The following SLC35F4 variants were observed in gnomAD, a reference collection of about 807,000 sequenced individuals.
The protein encoded by SLC35F4 is solute carrier family 35 member F4, also known as chromosome 14 open reading frame 36.
In SLC35F4, 24 loss-of-function variants were observed where a neutral mutation model predicts 44.2. That is an observed-to-expected ratio of 0.54 (90% CI 0.39 to 0.76). The LOEUF is 0.76. SLC35F4 is among the 30% of genes least tolerant of loss of function. The pLI is 0.00. For missense variants in SLC35F4, 562 were observed against 586.1 expected (o/e 0.96, Z 0.42); for synonymous variants, 238 against 223.6 (o/e 1.06, Z -0.57).
At chr14:57,929,331 T>C (rs561473524) in intron 1 of SLC35F4, among the ~76,000 whole-genome samples, 12 of 152,320 alleles carry the variant, frequency 7.9e-5, no homozygotes, top group Non-Finnish European at 1.5e-4. Flanking sequence ...ATACGGCATT[T>C]AAACATTAAA....
At chr14:57,783,509 G>GT (rs2077680390) in intron 1 of SLC35F4, among the ~76,000 whole-genome samples, 1 of 152,156 alleles carries the variant, frequency 6.6e-6, no homozygotes, top group African/African-American at 2.4e-5. Context: ...ATGTAGTTGG[G>GT]TTTATCATCA....
At chr14:57,770,075 G>A (rs1429639943) in intron 1 of SLC35F4, among the ~76,000 whole-genome samples, 1 of 152,152 alleles carries the variant, frequency 6.6e-6, no homozygotes, top group Non-Finnish European at 1.5e-5. Flanking sequence ...CTAACCCAGA[G>A]ATTCATTCTG....
chr14:57,748,647 G>A (rs896466711), intron 1 of SLC35F4, among the ~76,000 whole-genome samples: 1 of 152,128 alleles, frequency 6.6e-6, no homozygotes, highest in African/African-American at 2.4e-5. Context: ...TCAGCATTCT[G>A]TCTAGAGTGT....
At chr14:57,670,127 T>C (rs1236155486) in intron 1 of SLC35F4, among the ~76,000 whole-genome samples, 2 of 152,302 alleles carry the variant, frequency 1.3e-5, no homozygotes, top group East Asian at 3.9e-4. Flanking sequence ...TAGAGGTGTT[T>C]ATAGTATTCT....
At chr14:57,605,167 C>T (rs2071076351) in intron 1 of SLC35F4, among the ~76,000 whole-genome samples, 1 of 152,138 alleles carries the variant, frequency 6.6e-6, no homozygotes, top group African/African-American at 2.4e-5. Context: ...AGGGAGTAAA[C>T]AGACAACCTT....
intron 3 of SLC35F4, among the ~76,000 whole-genome samples, chr14:57,587,574 A>G (rs1164934138): frequency 6.6e-6 from 1 of 152,204 alleles, no homozygotes; most frequent in African/African-American, 2.4e-5. Flanking sequence ...GAACAATGAG[A>G]ACACATGGAC....
At chr14:57,599,944 C>A (rs1163015639) in intron 1 of SLC35F4, among the ~76,000 whole-genome samples, 2 of 152,106 alleles carry the variant, frequency 1.3e-5, no homozygotes, top group African/African-American at 2.4e-5. Flanking sequence ...CCCACAGGAA[C>A]TCCCCATTGG....
chr14:57,628,188 C>T (rs1310535615), intron 1 of SLC35F4, among the ~76,000 whole-genome samples: 2 of 150,990 alleles, frequency 1.3e-5, no homozygotes, highest in African/African-American at 2.4e-5. Flanking sequence ...CATACATCTT[C>T]CTATTTACGA....
At chr14:57,659,445 A>G (rs913230467) in intron 1 of SLC35F4, among the ~76,000 whole-genome samples, 9 of 152,178 alleles carry the variant, frequency 5.9e-5, no homozygotes, top group African/African-American at 2.2e-4. Flanking sequence ...AGAGACCTGA[A>G]AGGGAGCAGT....
rs959271406 is a variant in SLC35F4 at position 57,849,310 on chromosome 14, C to T, written c.103+16413G>A. Among the ~76,000 whole-genome samples, 4 of 152,138 alleles carry T rather than the reference C, an allele frequency of 2.6e-5. No individual in the cohort carries two copies. In the South Asian group the frequency reaches 6.3e-4, roughly 24 times the overall value. On this transcript the variant is annotated intron_variant, in intron 1 of 7. Transcript: ENST00000556826. ...CATAGTAGCTGGGATTATAGGCATGCGCCACCATGCCCAGCTAGTTTTTGT... is the reference window on the plus strand; with the variant it reads ...CATAGTAGCTGGGATTATAGGCATGTGCCACCATGCCCAGCTAGTTTTTGT...
chr14:57,662,544 T>C (rs1300751339), intron 1 of SLC35F4, among the ~76,000 whole-genome samples: 1 of 152,188 alleles, frequency 6.6e-6, no homozygotes, highest in Non-Finnish European at 1.5e-5. Flanking sequence ...ACATGCCAAC[T>C]TCCCTTTGGC....
At chr14:57,717,499 GGT>G (rs2075973359) in intron 1 of SLC35F4, among the ~76,000 whole-genome samples, 2 of 152,140 alleles carry the variant, frequency 1.3e-5, no homozygotes, top group African/African-American at 4.8e-5. Context: ...AGCCAGGCGT[GGT>G]GTCGGGCGCC....
At chr14:57,806,266 C>G (rs1160411072) in intron 1 of SLC35F4, among the ~76,000 whole-genome samples, 1 of 152,170 alleles carries the variant, frequency 6.6e-6, no homozygotes, top group African/African-American at 2.4e-5. Context: ...AAAATTACAG[C>G]TGCATTTTTA....
intron 1 of SLC35F4, among the ~76,000 whole-genome samples, chr14:57,725,637 TATC>T (rs981352302): frequency 2.0e-5 from 3 of 152,198 alleles, no homozygotes; most frequent in African/African-American, 7.2e-5. Flanking sequence ...TCACTGGTCT[TATC>T]ATGTTGCCCA....
At chr14:57,653,193 T>G (rs559183196) in intron 1 of SLC35F4, among the ~76,000 whole-genome samples, 1 of 152,318 alleles carries the variant, frequency 6.6e-6, no homozygotes, top group Non-Finnish European at 1.5e-5. Flanking sequence ...ATATGTTCAG[T>G]GTATTGGAGC....
chr14:57,609,740 T>C (rs983448679), intron 1 of SLC35F4, among the ~76,000 whole-genome samples: 1 of 152,202 alleles, frequency 6.6e-6, no homozygotes, highest in Non-Finnish European at 1.5e-5. Context: ...GTCCGGAAGA[T>C]GGCTTAAATT....
intron 1 of SLC35F4, among the ~76,000 whole-genome samples, chr14:57,948,263 G>T (rs1292754208): frequency 6.6e-6 from 1 of 152,034 alleles, no homozygotes; most frequent in African/African-American, 2.4e-5. Context: ...AATCTAGAAG[G>T]ATTGTATATT....
intron 1 of SLC35F4, among the ~76,000 whole-genome samples, chr14:57,598,363 G>A (rs565265173): frequency 1.3e-5 from 2 of 152,280 alleles, no homozygotes; most frequent in East Asian, 3.9e-4. Flanking sequence ...AGCGAACATC[G>A]CAACAGGCTG....
chr14:57,668,033 G>C (rs1594753798), intron 1 of SLC35F4, among the ~76,000 whole-genome samples: 1 of 148,614 alleles, frequency 6.7e-6, no homozygotes, highest in East Asian at 2.0e-4. Context: ...ATTCTAACTG[G>C]TGTGAGATGG....
Sources: allele counts gnomAD v4.1 joint callset (sites outside exome capture counted in the v4.1 genomes callset), GRCh38; gene constraint gnomAD v4.1.1; transcripts MANE v1.5; gene names NCBI Gene and HGNC (gene_info 2026-07-23, HGNC 2026-07-21).